The following METAP1 variants were observed in gnomAD, a reference collection of about 807,000 sequenced individuals.
The protein encoded by METAP1 is methionine aminopeptidase 1.
METAP1 carries 28 observed loss-of-function variants against 53.8 expected under a neutral mutation model. The observed-to-expected ratio is 0.52, with a 90% CI of 0.39 to 0.71. The LOEUF (loss-of-function observed/expected upper bound fraction) is 0.71. Among genes scored for constraint, METAP1 ranks in the 30% least tolerant of loss-of-function variants. The pLI is 0.00. For missense variants in METAP1, 389 were observed against 479.8 expected (o/e 0.81, Z 1.77); for synonymous variants, 181 against 165.7 (o/e 1.09, Z -0.71).
rs1395085092 is a variant in METAP1, at chr4:99,041,137, C to T, written c.516+11C>T. On this transcript the variant is annotated intron_variant, in intron 6 of 10. Coordinates refer to ENST00000296411, the MANE Select transcript of METAP1 (RefSeq NM_015143.3). ...CACGCTGTACACTTAGTAAGAACTT[C>T]ACTTTTTTACTTTGAGTAATTTTGT... The T allele has an allele frequency of 6.5e-7, 1 of 1,537,074 alleles. No homozygotes were observed. The highest frequency in any genetic ancestry group is 8.9e-7 in the Non-Finnish European group (1 of 1,125,202).
chr4:99,017,356 G>A (rs1475622416), intron 1 of METAP1, among the ~76,000 whole-genome samples: 1 of 152,228 alleles, frequency 6.6e-6, no homozygotes, highest in Admixed American at 6.5e-5. Flanking sequence ...AGAGCAAATA[G>A]TTCACAGCCT....
At chr4:99,009,535 CTGTTT>C in intron 1 of METAP1, among the ~76,000 whole-genome samples, 1 of 152,192 alleles carries the variant, frequency 6.6e-6, no homozygotes, top group East Asian at 1.9e-4. Context: ...TTGTTCTTTT[CTGTTT>C]TGTTTTTTTC....
intron 10 of METAP1, among the ~76,000 whole-genome samples, chr4:99,060,263 A>G (rs1175884966): frequency 6.6e-6 from 1 of 151,188 alleles, no homozygotes; most frequent in Non-Finnish European, 1.5e-5. Flanking sequence ...CCTATTGCTC[A>G]CTACTCCCAG....
At chr4:98,996,714 T>G (rs1307412684) in intron 1 of METAP1, among the ~76,000 whole-genome samples, 1 of 152,218 alleles carries the variant, frequency 6.6e-6, no homozygotes, top group African/African-American at 2.4e-5. Flanking sequence ...GTGCTCGTGT[T>G]TCTGTTTACT....
chr4:99,041,645 AAAAG>A (rs1560724822), intron 6 of METAP1, among the ~76,000 whole-genome samples: 1 of 152,068 alleles, frequency 6.6e-6, no homozygotes, highest in Non-Finnish European at 1.5e-5. Flanking sequence ...AATTTTAAAA[AAAAG>A]AGTGATAAGT....
At chr4:99,017,125 T>A (rs140924415) in intron 1 of METAP1, among the ~76,000 whole-genome samples, 1 of 152,354 alleles carries the variant, frequency 6.6e-6, no homozygotes, top group African/African-American at 2.4e-5. Flanking sequence ...TGAAAAGTCA[T>A]GCTGGTGTCC....
intron 9 of METAP1, among the ~76,000 whole-genome samples, chr4:99,049,832 A>G (rs781536982): frequency 6.6e-6 from 1 of 152,232 alleles, no homozygotes; most frequent in Middle Eastern, 3.2e-3. Flanking sequence ...AGAATTCTGC[A>G]TGAAAACAGT....
intron 9 of METAP1, among the ~76,000 whole-genome samples, chr4:99,056,690 C>A (rs1039239230): frequency 6.6e-6 from 1 of 151,668 alleles, no homozygotes; most frequent in Non-Finnish European, 1.5e-5. Flanking sequence ...CCTGCCTCAG[C>A]CTCCCGGTAG....
At position 99,045,308 on chromosome 4, in the gene METAP1, C is replaced by T; in HGVS notation, c.785C>T (p.Ala262Val). 6.2e-7 allele frequency: 1 copy of T among 1,613,458 alleles called. No homozygotes were observed. Among genetic ancestry groups the T allele is most frequent in the African/African-American group, 1.3e-5 (1 of 75,018 alleles). The part of the protein sequence containing the change: ...TYECLMQAID[A>V]VKPGVRYREL... The stretch of plus-strand genomic sequence containing the variant: ...GAGTGCCTGATGCAAGCCATTGATG[C>T]AGGTCAGCCTCAGTGTTGAGCACCT... The change falls in exon 8 of 11, where the codon GCA becomes GTA. Residue 262 changes from alanine to valine, a missense_variant and splice_region_variant. Ala to Val is a moderately conservative substitution (Grantham distance 64, BLOSUM62 0). Transcript: ENST00000296411.
intron 1 of METAP1, among the ~76,000 whole-genome samples, chr4:99,025,829 T>C (rs1724520624): frequency 2.6e-5 from 4 of 152,240 alleles, no homozygotes; most frequent in Admixed American, 2.6e-4. Context: ...CCTGTTATGT[T>C]ACCTGGAGGC....
At chr4:99,033,370 A>G (rs1471689265) in intron 2 of METAP1, among the ~76,000 whole-genome samples, 1 of 152,042 alleles carries the variant, frequency 6.6e-6, no homozygotes, top group Non-Finnish European at 1.5e-5. Context: ...TTAGGCCAAT[A>G]CTTGGTCTAC....
intron 1 of METAP1, among the ~76,000 whole-genome samples, chr4:99,004,574 A>G (rs116736949): frequency 0.02 from 2,978 of 152,164 alleles, 92 homozygotes; most frequent in African/African-American, 0.066. Flanking sequence ...ATGCCTATAT[A>G]CCTACCATCT....
chr4:99,004,462 CACACACACACACACACACACAT>C (rs1311508150), intron 1 of METAP1, among the ~76,000 whole-genome samples: 867 of 27,852 alleles, frequency 0.031, 11 homozygotes, highest in African/African-American at 0.078. Context: ...CACACACACA[CACACACACACACACACACACAT>C]ACACACACAC....
chr4:99,042,598 G>A (rs1725956237), intron 6 of METAP1, among the ~76,000 whole-genome samples: 1 of 151,988 alleles, frequency 6.6e-6, no homozygotes. Context: ...TATACTAGTA[G>A]TCATTTTTGG....
Position 99,041,073 on chromosome 4 carries a change from G to A in METAP1, c.463G>A (p.Gly155Ser), listed in dbSNP as rs768564705. 5.0e-6 allele frequency: 8 copies of A among 1,608,202 alleles called. No individual in the cohort carries two copies. The highest frequency in any genetic ancestry group is 1.3e-5 in the African/African-American group (1 of 74,700). Residue 155 changes from glycine to serine, a missense_variant, in exon 6 of 11, where the codon GGC (glycine) becomes AGC (serine). Coordinates refer to ENST00000296411, the MANE Select transcript of METAP1 (RefSeq NM_015143.3). ...TAGAGAAGTTTTGGATGTTGCTGCC[G>A]GCATGATTAAACCAGGTGTAACTAC... ...LAREVLDVAA[G>S]MIKPGVTTEE...
chr4:99,019,179 G>A (rs184536341), intron 1 of METAP1, among the ~76,000 whole-genome samples: 62 of 152,300 alleles, frequency 4.1e-4, no homozygotes, highest in African/African-American at 1.4e-3. Flanking sequence ...CCAGATAATA[G>A]TAGCTCTTCT....
At chr4:99,035,172 A>G (rs934871130) in intron 3 of METAP1, among the ~76,000 whole-genome samples, 32 of 152,258 alleles carry the variant, frequency 2.1e-4, no homozygotes, top group African/African-American at 7.7e-4. Context: ...GTCTCTGTCT[A>G]ATCTTAAATC....
intron 1 of METAP1, among the ~76,000 whole-genome samples, chr4:99,000,429 A>G (rs562456222): frequency 6.6e-6 from 1 of 152,294 alleles, no homozygotes; most frequent in South Asian, 2.1e-4. Flanking sequence ...AGTTGAGCAG[A>G]AGGTGACTAA....
At chr4:99,025,589 AT>A in intron 1 of METAP1, 1 of 650,172 alleles carries the variant, frequency 1.5e-6, no homozygotes, top group South Asian at 6.8e-5. Flanking sequence ...ACACTATCCC[AT>A]TTTAGCTTGT....
Sources: gnomAD v4.1 joint callset for allele counts (sites outside exome capture counted in the v4.1 genomes callset) on GRCh38, gnomAD v4.1.1 for gene constraint, MANE v1.5 for transcripts, NCBI Gene and HGNC (gene_info 2026-07-23, HGNC 2026-07-21) for gene names.